Variants in ABCC9 observed in about 807,000 individuals in gnomAD.
The protein encoded by ABCC9 is ATP binding cassette subfamily C member 9, also known as ATP-binding cassette sub-family C member 9.
ABCC9 carries 95 observed loss-of-function variants against 188.3 expected under a neutral mutation model. That is an observed-to-expected ratio of 0.50 (90% CI 0.43 to 0.60). The LOEUF is 0.60. Ranked by LOEUF, ABCC9 falls within the 20% of genes least tolerant of loss-of-function variation. The pLI is 0.00. For missense variants in ABCC9, 1,102 were observed against 1,876.3 expected, an observed-to-expected ratio of 0.59 and a Z score of 7.62; for synonymous variants, 659 against 652.7, an observed-to-expected ratio of 1.01 and a Z score of -0.15.
Position 21,940,666 on chromosome 12 carries a change from T to TA in ABCC9, c.-21+43dup, listed in dbSNP as rs891000864. 1.6e-4 allele frequency: 24 copies of TA among 152,098 alleles called. No individual in the cohort carries two copies. In the East Asian group the frequency reaches 2.3e-3, roughly 15 times the overall value. 9.4% of individuals were successfully genotyped at this position (152,098 alleles called of 1,614,324 possible). A position where few individuals can be genotyped will look rare whatever the true frequency, so the allele number is the denominator to read the frequency against. ...TTCCTTAGATACTGCAATGGGATTT[T>TA]AAAAAAAATCCCAAACTGAACAAAT... is the stretch of plus-strand genomic sequence containing the variant. On this transcript the variant is annotated intron_variant, in intron 2 of 39. Coordinates refer to ENST00000261200, the MANE Select transcript of ABCC9 (RefSeq NM_020297.4).
intron 2 of ABCC9, among the ~76,000 whole-genome samples, chr12:21,937,125 G>T (rs1357749906): frequency 6.6e-6 from 1 of 152,130 alleles, no homozygotes; most frequent in African/African-American, 2.4e-5. Flanking sequence ...AACAAAAGTT[G>T]TTCAGTAAAC....
chr12:21,903,505 T>C (rs1475887173), intron 12 of ABCC9, among the ~76,000 whole-genome samples: 1 of 152,206 alleles, frequency 6.6e-6, no homozygotes, highest in East Asian at 1.9e-4. Context: ...TGTTTGCAGA[T>C]GACATGATTG....
intron 5 of ABCC9, chr12:21,923,044 A>G (rs1332854859): frequency 2.0e-5 from 3 of 150,588 alleles, no homozygotes; most frequent in Admixed American, 6.6e-5. Flanking sequence ...CAGAAAGTCT[A>G]TCCCACAAAT....
intron 17 of ABCC9, 65 bp from the exon 18 acceptor site, chr12:21,872,795 C>A: frequency 7.9e-7 from 1 of 1,258,226 alleles, no homozygotes; most frequent in Non-Finnish European, 1.2e-6. Flanking sequence ...AACATCAAAA[C>A]ACATTTAGAA....
Position 21,908,174 on chromosome 12 carries a change from C to T in ABCC9, c.1358G>A (p.Gly453Glu). 6.2e-7 allele frequency: 1 copy of T among 1,612,410 alleles called. No homozygotes were observed. The change falls in exon 11 of 40, where the codon GGA becomes GAA. Residue 453 changes from glycine to glutamate, a missense_variant. By Grantham distance (98) the Gly-to-Glu change is moderately conservative (BLOSUM62 -2). Around this residue, in one of 12 missense-constraint regions of ABCC9, gnomAD observed 305 missense variants for 573.0 expected, o/e 0.53. Transcript: ENST00000261200. ...MGVILLYNLLGSSALVGAAVI... is the reference protein window; with the variant it reads ...MGVILLYNLLESSALVGAAVI... Reference sequence around the variant, plus strand: ...AGCTGCACCGACCAATGCACTTGATCCAAGTAAATTATAGAGCAGAATCAC... The same window carrying T: ...AGCTGCACCGACCAATGCACTTGATTCAAGTAAATTATAGAGCAGAATCAC...
Position 21,809,917 on chromosome 12 carries a change from C to T in ABCC9, c.4250G>A (p.Arg1417Lys), listed in dbSNP as rs1942114444. The T allele has an allele frequency of 1.2e-6, 2 of 1,612,576 alleles. No homozygotes were observed. Among genetic ancestry groups the T allele is most frequent in the Admixed American group, 3.3e-5 (2 of 59,924 alleles). Residue 1417 changes from arginine to lysine, a missense_variant, in exon 37 of 40, where the codon AGA becomes AAA. Physicochemically the swap from Arg to Lys is conservative, Grantham distance 26. Coordinates refer to ENST00000261200, the MANE Select transcript of ABCC9 (RefSeq NM_020297.4). The stretch of plus-strand genomic sequence containing the variant: ...AGCAATTTCTAAGGCTTCCCAGAGT[C>T]TGTCATCTGTGCATTTGCACTCTGG... The part of the protein sequence containing the change: ...LDPECKCTDD[R>K]LWEALEIAQL...
At chr12:21,935,828 A>T (rs1949462969) in intron 3 of ABCC9, among the ~76,000 whole-genome samples, 1 of 152,176 alleles carries the variant, frequency 6.6e-6, no homozygotes. Context: ...TCATAATTTT[A>T]AAAAAGTTAA....
chr12:21,827,293 T>C, intron 31 of ABCC9: 1 of 985,294 alleles, frequency 1.0e-6, no homozygotes, highest in Non-Finnish European at 1.2e-6. Flanking sequence ...CACTTATCCA[T>C]TAATCTGACA....
At chr12:21,848,297 G>A (rs1284521375) in intron 24 of ABCC9, 51 bp from the exon 25 acceptor site, 25 of 1,496,956 alleles carry the variant, frequency 1.7e-5, no homozygotes, top group Non-Finnish European at 2.2e-5. Context: ...AATAGGTTGT[G>A]ACTTATCAAT....
Position 21,863,072 on chromosome 12 carries a change from A to T in ABCC9, c.2238-18T>A. 2.1e-6 allele frequency: 3 copies of T among 1,418,140 alleles called. No individual in the cohort carries two copies. The highest frequency in any genetic ancestry group is 2.8e-6 in the Non-Finnish European group (3 of 1,053,062). The allele number at this position is 1,418,140 out of a possible 1,614,324, so 87.8% of individuals were successfully genotyped here. A position where few individuals can be genotyped will look rare whatever the true frequency, so the allele number is the denominator to read the frequency against. On this transcript the variant is annotated intron_variant, in intron 19 of 39. Transcript: ENST00000261200. Reference sequence around the variant, plus strand: ...TGTTCCTACTGAAAAATGAAAAAGAAAAAAAAAAACACCAGGATTATGCAA... The same window carrying T: ...TGTTCCTACTGAAAAATGAAAAAGATAAAAAAAAACACCAGGATTATGCAA...
Position 21,799,132 on chromosome 12 carries a change from G to C in ABCC9, c.*1912C>G, listed in dbSNP as rs1941311358. The C allele has an allele frequency of 6.7e-6, 1 of 149,898 alleles. No individual in the cohort carries two copies. Among genetic ancestry groups the C allele is most frequent in the Admixed American group, 6.7e-5 (1 of 14,938 alleles). 9.3% of individuals were successfully genotyped at this position (149,898 alleles called of 1,614,324 possible). On this transcript the variant is annotated 3_prime_UTR_variant, in exon 40 of 40. Transcript: ENST00000261200. Reference sequence around the variant, plus strand: ...GGAGTGGGGAGGGATAGCATTGGGAGATATACCTAATGCTAGATGACGAGT... The same window carrying C: ...GGAGTGGGGAGGGATAGCATTGGGACATATACCTAATGCTAGATGACGAGT...
intron 22 of ABCC9, among the ~76,000 whole-genome samples, chr12:21,855,611 C>G (rs1433094143): frequency 6.6e-6 from 1 of 152,104 alleles, no homozygotes; most frequent in Non-Finnish European, 1.5e-5. Flanking sequence ...TAGTTATGAC[C>G]ACTCTTGGAG....
At chr12:21,925,824 T>C in intron 5 of ABCC9, 118 bp downstream of exon 5, 1 of 1,135,700 alleles carries the variant, frequency 8.8e-7, no homozygotes, top group Non-Finnish European at 1.3e-6. Flanking sequence ...GGTTTTCCCA[T>C]ACTTTCTACT....
chr12:21,906,353 G>A (rs1948047957), intron 11 of ABCC9, 65 bp from the exon 12 acceptor site: 13 of 1,505,740 alleles, frequency 8.6e-6, no homozygotes, highest in Non-Finnish European at 1.2e-5. Context: ...GCAGAACCAT[G>A]TAATGGACAG....
chr12:21,832,300 A>G (rs1221731582), intron 30 of ABCC9, among the ~76,000 whole-genome samples: 1 of 152,190 alleles, frequency 6.6e-6, no homozygotes, highest in Non-Finnish European at 1.5e-5. Flanking sequence ...GGGGGAGGAA[A>G]AGCAGCCTCA....
At chr12:21,836,430 T>G (rs1371392216) in intron 30 of ABCC9, among the ~76,000 whole-genome samples, 1 of 152,200 alleles carries the variant, frequency 6.6e-6, no homozygotes, top group Non-Finnish European at 1.5e-5. Flanking sequence ...CCATATAAAA[T>G]AGAAATCTTT....
At chr12:21,887,350 A>T (rs945963556) in intron 15 of ABCC9, among the ~76,000 whole-genome samples, 2 of 152,188 alleles carry the variant, frequency 1.3e-5, no homozygotes, top group African/African-American at 4.8e-5. Context: ...GCCTCATGAC[A>T]TGCAAAATAA....
intron 39 of ABCC9, among the ~76,000 whole-genome samples, chr12:21,805,775 C>T (rs921220826): frequency 1.3e-5 from 2 of 152,148 alleles, no homozygotes; most frequent in African/African-American, 4.8e-5. Flanking sequence ...TTAGGATGTC[C>T]TATCATTCTA....
chr12:21,857,364 CTATATA>C (rs199506735), intron 22 of ABCC9, among the ~76,000 whole-genome samples: 1 of 151,660 alleles, frequency 6.6e-6, no homozygotes, highest in African/African-American at 2.4e-5. Context: ...GAATGTTGAA[CTATATA>C]TATATATTTT....
Sources: allele counts gnomAD v4.1 joint callset (sites outside exome capture counted in the v4.1 genomes callset), GRCh38; gene constraint gnomAD v4.1.1; regional missense constraint gnomAD v4.1.1; transcripts MANE v1.5; gene names NCBI Gene and HGNC (gene_info 2026-07-23, HGNC 2026-07-21).